Variants in XKR9 observed in about 807,000 individuals in gnomAD.
XKR9 encodes XK related 9.
A neutral mutation model predicts 32.0 loss-of-function variants in XKR9; 32 were observed. The ratio of observed to expected loss-of-function variants is 1.00; its 90% CI spans 0.76 to 1.34. XKR9 has a LOEUF of 1.34. XKR9 is among the 40% of genes most tolerant of loss of function. XKR9 has a pLI of 0.00. For missense variants in XKR9, 546 were observed against 429.7 expected, an observed-to-expected ratio of 1.27 and a Z score of -2.39; for synonymous variants, 168 against 143.4, an observed-to-expected ratio of 1.17 and a Z score of -1.22.
the XKR9 span, among the ~76,000 whole-genome samples, chr8:71,018,770 G>C: frequency 6.6e-6 from 1 of 152,094 alleles, no homozygotes; most frequent in African/African-American, 2.4e-5. Context: ...ATGACTTTCT[G>C]AATTAAAAAA....
intron 1 of XKR9, among the ~76,000 whole-genome samples, chr8:70,672,983 T>C (rs887882094): frequency 5.3e-5 from 8 of 152,342 alleles, no homozygotes; most frequent in African/African-American, 1.9e-4. Context: ...GATGAATAGT[T>C]TGCAAATATT....
intron 2 of XKR9, among the ~76,000 whole-genome samples, chr8:70,778,626 A>G (rs1012190147): frequency 6.6e-6 from 1 of 152,060 alleles, no homozygotes; most frequent in Non-Finnish European, 1.5e-5. Flanking sequence ...TATTTTGCTG[A>G]GCAGTGGTTT....
chr8:70,947,043 G>A, the XKR9 span, among the ~76,000 whole-genome samples: 1 of 152,096 alleles, frequency 6.6e-6, no homozygotes, highest in Non-Finnish European at 1.5e-5. Flanking sequence ...GGCAGCATCG[G>A]GAAAACAAAC....
rs183948609 is a variant in XKR9 at position 70,741,115 on chromosome 8, G to A, written n.352+33962G>A. 3.5e-3 allele frequency among the ~76,000 whole-genome samples: 539 copies of A among 152,392 alleles called. 1 individual carries two copies. Among genetic ancestry groups the A allele is most frequent in the Admixed American group, 6.0e-3 (92 of 15,314 alleles). On this transcript the variant is annotated intron_variant and non_coding_transcript_variant, in intron 2 of 3. Coordinates refer to the XKR9 transcript ENST00000520273. ...GGCAGGCCTCCTTGAGCTGTGGTGGGTTCCACCCAGTTCGAGCATCTGGGC... is the reference window on the plus strand; with the variant it reads ...GGCAGGCCTCCTTGAGCTGTGGTGGATTCCACCCAGTTCGAGCATCTGGGC...
chr8:71,012,098 C>T, the XKR9 span, among the ~76,000 whole-genome samples: 196 of 152,286 alleles, frequency 1.3e-3, no homozygotes, highest in African/African-American at 4.4e-3. Context: ...GCTACTGTTC[C>T]GTACTCAGCA....
the XKR9 span, among the ~76,000 whole-genome samples, chr8:70,859,156 A>G: frequency 6.6e-6 from 1 of 152,160 alleles, no homozygotes; most frequent in African/African-American, 2.4e-5. Flanking sequence ...ACTCAATAGC[A>G]AAAAACCAAA....
At chr8:70,767,301 T>C (rs1226301500) in intron 2 of XKR9, among the ~76,000 whole-genome samples, 2 of 152,148 alleles carry the variant, frequency 1.3e-5, no homozygotes, top group Non-Finnish European at 2.9e-5. Context: ...TATTCAGGGA[T>C]TTGACTTCTT....
intron 2 of XKR9, among the ~76,000 whole-genome samples, chr8:70,760,829 T>A (rs1387899095): frequency 1.3e-5 from 2 of 152,280 alleles, no homozygotes; most frequent in East Asian, 1.9e-4. Context: ...AAGCCTAGTA[T>A]CCATTGGTTA....
At chr8:70,736,469 T>C (rs987699624), downstream of XKR9, among the ~76,000 whole-genome samples, 2 of 152,224 alleles carry the variant, frequency 1.3e-5, no homozygotes, top group Admixed American at 1.3e-4. Context: ...CTCTTTATTT[T>C]AATTAGATCC....
chr8:70,875,322 C>A, the XKR9 span, among the ~76,000 whole-genome samples: 1 of 152,146 alleles, frequency 6.6e-6, no homozygotes, highest in African/African-American at 2.4e-5. Flanking sequence ...TTGTCCTATG[C>A]TGTTTAGGCA....
At chr8:70,805,194 AC>A in the XKR9 span, among the ~76,000 whole-genome samples, 27 of 151,960 alleles carry the variant, frequency 1.8e-4, no homozygotes, top group African/African-American at 6.5e-4. Context: ...GGGAATCTCC[AC>A]CCCCCAGCCA....
At chr8:70,852,866 A>G in the XKR9 span, among the ~76,000 whole-genome samples, 1 of 152,100 alleles carries the variant, frequency 6.6e-6, no homozygotes, top group Non-Finnish European at 1.5e-5. Flanking sequence ...GGGACAGGAA[A>G]AGGAGGGATA....
the XKR9 span, among the ~76,000 whole-genome samples, chr8:70,903,086 T>C: frequency 1.3e-5 from 2 of 152,180 alleles, no homozygotes; most frequent in African/African-American, 4.8e-5. Context: ...TTAGGGATAT[T>C]GGTCTAAAAT....
the XKR9 span, among the ~76,000 whole-genome samples, chr8:70,857,223 C>G: frequency 3.1e-4 from 47 of 152,176 alleles, no homozygotes; most frequent in East Asian, 8.9e-3. Flanking sequence ...TGATAGACCA[C>G]TAGCAAGACT....
chr8:70,872,150 T>C, the XKR9 span, among the ~76,000 whole-genome samples: 7 of 152,192 alleles, frequency 4.6e-5, no homozygotes, highest in Non-Finnish European at 2.9e-5. Context: ...TTCCATAATT[T>C]CTTGAAGGAA....
At chr8:71,053,661 G>A in the XKR9 span, among the ~76,000 whole-genome samples, 2 of 152,186 alleles carry the variant, frequency 1.3e-5, no homozygotes, top group African/African-American at 4.8e-5. Flanking sequence ...TCTGTTGGCT[G>A]TTTTAGCTTT....
chr8:70,860,893 A>C, the XKR9 span, among the ~76,000 whole-genome samples: 11 of 152,126 alleles, frequency 7.2e-5, no homozygotes, highest in South Asian at 2.3e-3. Context: ...ACCTCTTAGG[A>C]TTATTTTGTG....
the XKR9 span, among the ~76,000 whole-genome samples, chr8:71,033,639 C>T: frequency 1.3e-5 from 2 of 152,112 alleles, no homozygotes; most frequent in African/African-American, 4.8e-5. Flanking sequence ...TTGTTGCTCT[C>T]ATGGGAATGG....
chr8:70,731,123 C>T, intron 4 of XKR9, among the ~76,000 whole-genome samples: 1 of 152,156 alleles, frequency 6.6e-6, no homozygotes, highest in East Asian at 1.9e-4. Context: ...ATACCTATTA[C>T]AGAATGACAC....
Sources: gnomAD v4.1 joint callset for allele counts (sites outside exome capture counted in the v4.1 genomes callset) on GRCh38, gnomAD v4.1.1 for gene constraint, MANE v1.5 for transcripts, NCBI Gene and HGNC (gene_info 2026-07-23, HGNC 2026-07-21) for gene names.